Variants in UBE4B observed in about 807,000 individuals in gnomAD.
UBE4B encodes the protein ubiquitination factor E4B, also known as ubiquitin conjugation factor E4 B.
A neutral mutation model predicts 148.1 loss-of-function variants in UBE4B; 27 were observed. The ratio of observed to expected loss-of-function variants is 0.18; its 90% CI spans 0.13 to 0.25. The LOEUF is 0.25. Ranked by LOEUF, UBE4B falls within the 10% of genes least tolerant of loss-of-function variation. UBE4B has a pLI of 1.00. For missense variants in UBE4B, 1,170 were observed against 1,662.4 expected, an observed-to-expected ratio of 0.70 and a Z score of 5.15; for synonymous variants, 596 against 619.3, an observed-to-expected ratio of 0.96 and a Z score of 0.56.
rs532397216 is a variant in UBE4B, at chr1:10,039,368, G to A, written c.24+5674G>A. Among the ~76,000 whole-genome samples, 33 of 152,204 alleles carry A rather than the reference G, an allele frequency of 2.2e-4. No homozygotes were observed. The South Asian group carries it at 6.6e-3, about 31-fold the overall frequency. ...TGACTGGAGAGGTGGGTTTTACCTC[G>A]GGTGTGTGGCAGGTACCTGATCTTG... On this transcript the variant is annotated intron_variant, in intron 1 of 27. Coordinates refer to ENST00000343090, the MANE Select transcript of UBE4B (RefSeq NM_001105562.3).
chr1:10,090,059 T>C (rs905023194), intron 2 of UBE4B, among the ~76,000 whole-genome samples: 2 of 151,950 alleles, frequency 1.3e-5, no homozygotes, highest in Admixed American at 6.6e-5. Context: ...TCCAAAGGAC[T>C]GTTCAGCAGT....
At chr1:10,059,694 C>T (rs1227191489) in intron 1 of UBE4B, 1 of 153,334 alleles carries the variant, frequency 6.5e-6, no homozygotes, top group Non-Finnish European at 1.5e-5. Flanking sequence ...TGACAACACC[C>T]TCCCAGTCTG....
At chr1:10,153,656 C>T (rs1484870859) in intron 21 of UBE4B, among the ~76,000 whole-genome samples, 1 of 151,896 alleles carries the variant, frequency 6.6e-6, no homozygotes, top group African/African-American at 2.4e-5. Context: ...CTAGTCTCTA[C>T]TAAAAGTAAA....
intron 16 of UBE4B, among the ~76,000 whole-genome samples, chr1:10,136,765 C>G (rs1448250181): frequency 6.6e-6 from 1 of 151,712 alleles, no homozygotes; most frequent in South Asian, 2.1e-4. Flanking sequence ...CCTAAAAATG[C>G]AAAAGTAGCC....
At chr1:10,074,662 T>C (rs537890476) in intron 2 of UBE4B, among the ~76,000 whole-genome samples, 20 of 152,362 alleles carry the variant, frequency 1.3e-4, no homozygotes, top group Admixed American at 3.9e-4. Context: ...CGTTTTTCTT[T>C]TGGCTTCCAG....
At chr1:10,086,485 C>T (rs528347963) in intron 2 of UBE4B, among the ~76,000 whole-genome samples, 1 of 152,200 alleles carries the variant, frequency 6.6e-6, no homozygotes, top group Admixed American at 6.5e-5. Context: ...TGGGGGGACT[C>T]AAAATCCCGT....
rs577918744 is a variant in UBE4B at position 10,037,581 on chromosome 1, A to G, written c.24+3887A>G. Among the ~76,000 whole-genome samples, 28 of 151,852 alleles carry G rather than the reference A, an allele frequency of 1.8e-4. No homozygotes were observed. The South Asian group carries it at 3.7e-3, about 20-fold the overall frequency. On this transcript the variant is annotated intron_variant, in intron 1 of 27. Transcript: ENST00000343090. Reference sequence around the variant, plus strand: ...TAGGTGGTGTGTTTATTTTTGAGATAGGGTCTGGCTCTATCGCCCAGTCTG... The same window carrying G: ...TAGGTGGTGTGTTTATTTTTGAGATGGGGTCTGGCTCTATCGCCCAGTCTG...
intron 1 of UBE4B, among the ~76,000 whole-genome samples, chr1:10,064,382 A>G (rs557666579): frequency 2.0e-4 from 30 of 152,370 alleles, no homozygotes; most frequent in African/African-American, 7.0e-4. Flanking sequence ...CAAACTGCTG[A>G]TCGCATCTCC....
rs1481375595 is a variant in UBE4B, at chr1:10,033,427, A to T, written c.-244A>T. On this transcript the variant is annotated 5_prime_UTR_variant, in exon 1 of 28. Transcript: ENST00000343090. ...CCCTGTAGCAGCAGCAGTGGCGGCC[A>T]AAGGAGGCTGCTCAGGGAACAAGCG... 7.8e-6 allele frequency: 3 copies of T among 384,804 alleles called. No individual in the cohort carries two copies. Among genetic ancestry groups the T allele is most frequent in the Non-Finnish European group, 1.4e-5 (3 of 217,092 alleles). 23.8% of individuals were successfully genotyped at this position (384,804 alleles called of 1,614,324 possible). A position where few individuals can be genotyped will look rare whatever the true frequency, so the allele number is the denominator to read the frequency against.
intron 1 of UBE4B, among the ~76,000 whole-genome samples, chr1:10,051,232 T>C (rs923906358): frequency 3.3e-5 from 5 of 152,230 alleles, no homozygotes; most frequent in African/African-American, 1.2e-4. Context: ...TTAATCTTTC[T>C]GAGCCTCAGT....
In UBE4B at chr1:10,105,575, A is replaced by C; in HGVS notation, c.640A>C (p.Thr214Pro). Reference sequence around the variant, plus strand: ...TTTAATGGAAGTGCTAATGATGTCCACTCAGACCAGAGATGAAAACCCATT... The same window carrying C: ...TTTAATGGAAGTGCTAATGATGTCCCCTCAGACCAGAGATGAAAACCCATT... ...QILMEVLMMS[T>P]QTRDENPFAS... is the part of the protein sequence containing the mutation. The change falls in exon 6 of 28, where the codon ACT becomes CCT. Residue 214 changes from threonine (T) to proline (P), a missense_variant. Physicochemically the swap from Thr to Pro is conservative, Grantham distance 38. Transcript: ENST00000343090. The C allele has an allele frequency of 6.2e-7, 1 of 1,614,200 alleles. No individual in the cohort carries two copies. The highest frequency in any genetic ancestry group is 8.5e-7 in the Non-Finnish European group (1 of 1,180,032).
chr1:10,040,580 G>C lies in UBE4B; in HGVS notation c.24+6886G>C, dbSNP rs1257366257. Among the ~76,000 whole-genome samples, 3 of 151,820 alleles carry C rather than the reference G, an allele frequency of 2.0e-5. No homozygotes were observed. The East Asian group carries it at 5.8e-4, about 29-fold the overall frequency. On this transcript the variant is annotated intron_variant, in intron 1 of 27. Transcript: ENST00000343090. ...GAGTCCACATGTAGACCCCCACTCT[G>C]GCCTTGGTGCTCTAACATCTCCATT...
intron 2 of UBE4B, among the ~76,000 whole-genome samples, chr1:10,084,860 G>A (rs1343509687): frequency 2.0e-5 from 3 of 151,564 alleles, no homozygotes. Context: ...ACCATTCCTG[G>A]CTAATTTTTT....
chr1:10,091,051 A>G (rs1305354482), intron 2 of UBE4B, among the ~76,000 whole-genome samples: 1 of 152,186 alleles, frequency 6.6e-6, no homozygotes, highest in Non-Finnish European at 1.5e-5. Context: ...GCCGCCTAGA[A>G]GGTTGCTAAT....
In UBE4B at chr1:10,130,820, G is replaced by A. The variant is rs1452382391; in HGVS notation, c.1911+7G>A. 1 of 1,612,866 alleles carries A rather than the reference G, an allele frequency of 6.2e-7. No individual in the cohort carries two copies. The highest frequency in any genetic ancestry group is 8.5e-7 in the Non-Finnish European group (1 of 1,178,910). On this transcript the variant is annotated splice_region_variant and intron_variant, in intron 14 of 27. Transcript: ENST00000343090. Reference sequence around the variant, plus strand: ...TTACTTAGAGCTCGGAAGGGTAAGTGTTCAGAAAACAAATCCAGAGGAAGT... The same window carrying A: ...TTACTTAGAGCTCGGAAGGGTAAGTATTCAGAAAACAAATCCAGAGGAAGT...
rs1324860297 is a variant in UBE4B at position 10,105,732 on chromosome 1, G to T, written c.797G>T (p.Ser266Ile). 3 of 1,613,718 alleles carry T rather than the reference G, an allele frequency of 1.9e-6. No individual in the cohort carries two copies. Among genetic ancestry groups the T allele is most frequent in the Admixed American group, 1.7e-5 (1 of 60,018 alleles). Residue 266 changes from serine (S) to isoleucine (I), a missense_variant, in exon 6 of 28, where the codon AGC becomes ATC. Transcript: ENST00000343090. Reference sequence around the variant, plus strand: ...TGCAGCGTGGCTTCCTTTGGTGCCAGCTCTTTGTCTAGGTCAGTGTGGTTC... The same window carrying T: ...TGCAGCGTGGCTTCCTTTGGTGCCATCTCTTTGTCTAGGTCAGTGTGGTTC... ...MFCSVASFGASSLSSLYESSP... is the reference protein window; with the variant it reads ...MFCSVASFGAISLSSLYESSP...
In UBE4B at chr1:10,091,692, A is replaced by G. The variant is rs1473048018; in HGVS notation, c.212-3769A>G. On this transcript the variant is annotated intron_variant, in intron 2 of 27. Transcript: ENST00000343090. ...GCGATCTTGGCCCACTGCAACTTCCACCACCTGGGTTCAAACGATTCTTCT... is the reference window on the plus strand; with the variant it reads ...GCGATCTTGGCCCACTGCAACTTCCGCCACCTGGGTTCAAACGATTCTTCT... Among the ~76,000 whole-genome samples, 4 of 151,872 alleles carry G rather than the reference A, an allele frequency of 2.6e-5. No individual in the cohort carries two copies. In the East Asian group the frequency reaches 7.8e-4, roughly 29 times the overall value.
chr1:10,089,503 G>GAAAAAA (rs113766750), intron 2 of UBE4B, among the ~76,000 whole-genome samples: 12 of 134,568 alleles, frequency 8.9e-5, no homozygotes, highest in Admixed American at 1.5e-4. Context: ...ACATGTCTCT[G>GAAAAAA]AAAAAAAAAA....
At chr1:10,094,735 C>T (rs988284417) in intron 2 of UBE4B, among the ~76,000 whole-genome samples, 2 of 152,012 alleles carry the variant, frequency 1.3e-5, no homozygotes, top group African/African-American at 4.8e-5. Flanking sequence ...CACCCAGCCT[C>T]ATTAACATTT....
Sources: allele counts gnomAD v4.1 joint callset (sites outside exome capture counted in the v4.1 genomes callset), GRCh38; gene constraint gnomAD v4.1.1; transcripts MANE v1.5; gene names NCBI Gene and HGNC (gene_info 2026-07-23, HGNC 2026-07-21).